The following CCDC25 variants were observed in gnomAD, a reference collection of about 807,000 sequenced individuals.
The protein encoded by CCDC25 is coiled-coil domain containing 25, also known as coiled-coil domain-containing protein 25.
In CCDC25, 16 loss-of-function variants were observed where a neutral mutation model predicts 35.3. That is an observed-to-expected ratio of 0.45 (90% CI 0.31 to 0.69). The LOEUF is 0.69. Ranked by LOEUF, CCDC25 falls within the 30% of genes least tolerant of loss-of-function variation. CCDC25 has a pLI of 0.06. For missense variants in CCDC25, 179 were observed against 250.7 expected (o/e 0.71, Z 1.93); for synonymous variants, 79 against 80.3 (o/e 0.98, Z 0.09).
At chr8:27,743,840 G>C (rs1471929199) in intron 7 of CCDC25, among the ~76,000 whole-genome samples, 1 of 152,168 alleles carries the variant, frequency 6.6e-6, no homozygotes, top group Non-Finnish European at 1.5e-5. Flanking sequence ...GCTGCAGTGG[G>C]CTATGATGGC....
rs2128934093 is a variant in CCDC25 at position 27,734,801 on chromosome 8, G to C, written c.*1415C>G. On this transcript the variant is annotated 3_prime_UTR_variant, in exon 9 of 9. Transcript: ENST00000356537. ...CGGACTCCTTGGAAGTATGGAAGGA[G>C]CACAGCTACGAATACATCTGAGATG... 1 of 152,356 alleles carries C rather than the reference G, an allele frequency of 6.6e-6. No individual in the cohort carries two copies. The highest frequency in any genetic ancestry group is 3.4e-3 in the Middle Eastern group (1 of 294). The allele number at this position is 152,356 out of a possible 1,614,324, so 9.4% of individuals were successfully genotyped here.
chr8:27,739,162 A>G (rs1431301756), intron 8 of CCDC25, among the ~76,000 whole-genome samples: 1 of 152,190 alleles, frequency 6.6e-6, no homozygotes, highest in East Asian at 1.9e-4. Flanking sequence ...TTAGCACATG[A>G]CAGTTAAGTC....
chr8:27,763,754 A>G (rs1266227455), intron 2 of CCDC25, among the ~76,000 whole-genome samples: 3 of 152,158 alleles, frequency 2.0e-5, no homozygotes, highest in Admixed American at 1.3e-4. Context: ...TGAATGATTC[A>G]TATGTGATGA....
intron 8 of CCDC25, among the ~76,000 whole-genome samples, chr8:27,738,658 C>T (rs1291305223): frequency 1.3e-5 from 2 of 151,724 alleles, no homozygotes. Flanking sequence ...GAATTATATA[C>T]AAGCTTTAAA....
rs35046025 is a variant in CCDC25, at chr8:27,738,601, G to GGTGTGTGT, written c.597+1863_597+1870dup. Among the ~76,000 whole-genome samples the GGTGTGTGT allele has an allele frequency of 7.1e-3, 1,062 of 150,066 alleles. 7 individuals carry two copies. The highest frequency in any genetic ancestry group is 0.024 in the African/African-American group (1,000 of 40,856). On this transcript the variant is annotated intron_variant, in intron 8 of 8. Coordinates refer to ENST00000356537, the MANE Select transcript of CCDC25 (RefSeq NM_018246.3). ...ATGTATGTATGTAGGTCGGTAGGTAGGTGTGTGTGTGTGTGTGTGTGTGTA... is the reference window on the plus strand; with the variant it reads ...ATGTATGTATGTAGGTCGGTAGGTAGGTGTGTGTGTGTGTGTGTGTGTGTGTGTGTGTA...
chr8:27,751,964 A>G (rs942519663), intron 5 of CCDC25, among the ~76,000 whole-genome samples: 1 of 152,206 alleles, frequency 6.6e-6, no homozygotes, highest in Non-Finnish European at 1.5e-5. Context: ...GACAAACTAA[A>G]TAAGATTCTC....
chr8:27,772,229 G>C (rs867200473), intron 1 of CCDC25, among the ~76,000 whole-genome samples: 1 of 152,242 alleles, frequency 6.6e-6, no homozygotes, highest in Non-Finnish European at 1.5e-5. Context: ...CCCAATCCCA[G>C]GGAGTGACGG....
At chr8:27,753,625 T>G (rs1258440429) in intron 4 of CCDC25, among the ~76,000 whole-genome samples, 1 of 152,188 alleles carries the variant, frequency 6.6e-6, no homozygotes, top group Non-Finnish European at 1.5e-5. Flanking sequence ...AAATAATTGG[T>G]GGTAATGAGA....
chr8:27,763,240 G>C (rs1355832767), intron 2 of CCDC25, among the ~76,000 whole-genome samples: 1 of 152,084 alleles, frequency 6.6e-6, no homozygotes, highest in East Asian at 1.9e-4. Flanking sequence ...CCATATTTCT[G>C]ATTATTTCCT....
intron 7 of CCDC25, among the ~76,000 whole-genome samples, chr8:27,747,207 A>G (rs1169669629): frequency 6.6e-6 from 1 of 152,202 alleles, no homozygotes; most frequent in Non-Finnish European, 1.5e-5. Context: ...TGCAGATGTC[A>G]TTAGTTAGGA....
chr8:27,742,550 A>G (rs1412122484), intron 7 of CCDC25, among the ~76,000 whole-genome samples: 1 of 152,176 alleles, frequency 6.6e-6, no homozygotes, highest in African/African-American at 2.4e-5. Context: ...ATTCCCATCT[A>G]TGTGACAATG....
chr8:27,767,646 T>C (rs773082002), intron 1 of CCDC25, among the ~76,000 whole-genome samples: 7 of 152,214 alleles, frequency 4.6e-5, no homozygotes, highest in Non-Finnish European at 8.8e-5. Context: ...GTAAGGTATT[T>C]TTTGTTACAA....
intron 2 of CCDC25, among the ~76,000 whole-genome samples, chr8:27,763,878 G>A (rs557230652): frequency 1.3e-5 from 2 of 152,250 alleles, no homozygotes; most frequent in Admixed American, 6.5e-5. Context: ...CATAACAGTC[G>A]TAGACACTAT....
At position 27,762,470 on chromosome 8, in the gene CCDC25, T is replaced by C. The variant is rs573248470; in HGVS notation, c.77-12A>G. 24 of 1,611,136 alleles carry C rather than the reference T, an allele frequency of 1.5e-5. No homozygotes were observed. The South Asian group carries it at 2.3e-4, about 16-fold the overall frequency. On this transcript the variant is annotated splice_polypyrimidine_tract_variant and intron_variant, in intron 2 of 8. Transcript: ENST00000356537. ...GATCAGATCTTCATCTGCAATGAGATATGAGAAACGAAAGAAACAAAAACT... is the reference window on the plus strand; with the variant it reads ...GATCAGATCTTCATCTGCAATGAGACATGAGAAACGAAAGAAACAAAAACT...
chr8:27,742,790 C>T (rs565272193), intron 7 of CCDC25, among the ~76,000 whole-genome samples: 1 of 152,296 alleles, frequency 6.6e-6, no homozygotes, highest in Non-Finnish European at 1.5e-5. Context: ...TAGCTTGAAC[C>T]CGGGAGGTGG....
chr8:27,750,431 A>T (rs551745077), intron 5 of CCDC25, among the ~76,000 whole-genome samples: 1 of 152,348 alleles, frequency 6.6e-6, no homozygotes, highest in East Asian at 1.9e-4. Context: ...AGTACTTAGC[A>T]CAGGGCCAGG....
At chr8:27,742,005 G>A (rs1178441268) in intron 7 of CCDC25, among the ~76,000 whole-genome samples, 3 of 152,196 alleles carry the variant, frequency 2.0e-5, no homozygotes, top group Non-Finnish European at 4.4e-5. Flanking sequence ...AATCCCTGGA[G>A]TTAACAGCTG....
intron 4 of CCDC25, 64 bp downstream of exon 4, chr8:27,756,655 T>C (rs1804014722): frequency 8.8e-7 from 1 of 1,141,892 alleles, no homozygotes; most frequent in South Asian, 1.3e-5. Context: ...TTGCAAAGGA[T>C]AAAGAACAAG....
intron 1 of CCDC25, among the ~76,000 whole-genome samples, chr8:27,769,041 TAA>T (rs1356717235): frequency 3.3e-5 from 5 of 152,214 alleles, no homozygotes; most frequent in Admixed American, 6.5e-5. Context: ...CTTCCCATTT[TAA>T]AAAAGTTTTT....
Sources: gnomAD v4.1 joint callset for allele counts (sites outside exome capture counted in the v4.1 genomes callset) on GRCh38, gnomAD v4.1.1 for gene constraint, MANE v1.5 for transcripts, NCBI Gene and HGNC (gene_info 2026-07-23, HGNC 2026-07-21) for gene names.